The following ERBB4 variants were observed in gnomAD, a reference collection of about 807,000 sequenced individuals.
The protein encoded by ERBB4 is erb-b2 receptor tyrosine kinase 4.
Under a neutral mutation model 158.0 loss-of-function variants are expected in ERBB4, and 42 were observed. The ratio of observed to expected loss-of-function variants is 0.27; its 90% confidence interval spans 0.21 to 0.34. The LOEUF (loss-of-function observed/expected upper bound fraction) is 0.34, where lower values mean the gene tolerates loss of function less well. Among genes scored for constraint, ERBB4 ranks in the 10% least tolerant of loss-of-function variants. The probability of loss-of-function intolerance (pLI) is 1.00; values close to 1 mark genes in which losing one functional copy is unlikely to be tolerated. For synonymous variants in ERBB4, 583 were observed against 558.7 expected, an observed-to-expected ratio of 1.04 and a Z score of -0.61; for missense variants, 1,333 against 1,624.1, an observed-to-expected ratio of 0.82 and a Z score of 3.08.
chr2:211,505,666 A>G (rs952122869), intron 20 of ERBB4, among the ~76,000 whole-genome samples: 4 of 152,202 alleles, frequency 2.6e-5, no homozygotes, highest in Admixed American at 2.0e-4. Context: ...TTCACTTAAA[A>G]GTTATAGACA....
At chr2:211,691,023 A>AG (rs1559423207) in intron 12 of ERBB4, among the ~76,000 whole-genome samples, 1 of 151,964 alleles carries the variant, frequency 6.6e-6, no homozygotes, top group African/African-American at 2.4e-5. Context: ...ACTAAACTAG[A>AG]GGGAAGCTTT....
chr2:211,831,679 A>G (rs1293827828), intron 3 of ERBB4, among the ~76,000 whole-genome samples: 1 of 152,144 alleles, frequency 6.6e-6, no homozygotes, highest in Non-Finnish European at 1.5e-5. Flanking sequence ...AGGTGGGTGG[A>G]TCACCTGAGG....
At chr2:212,153,510 C>T (rs2080936801) in intron 1 of ERBB4, among the ~76,000 whole-genome samples, 1 of 152,114 alleles carries the variant, frequency 6.6e-6, no homozygotes, top group African/African-American at 2.4e-5. Flanking sequence ...CACTTAGACA[C>T]ATTCTGAGAC....
intron 1 of ERBB4, among the ~76,000 whole-genome samples, chr2:212,534,335 T>C (rs1042964107): frequency 7.2e-5 from 11 of 152,318 alleles, no homozygotes; most frequent in South Asian, 2.1e-4. Flanking sequence ...CTAGCATTTT[T>C]TAAATAGCAG....
intron 19 of ERBB4, among the ~76,000 whole-genome samples, chr2:211,609,907 G>A (rs970836099): frequency 6.6e-6 from 1 of 152,150 alleles, no homozygotes; most frequent in East Asian, 1.9e-4. Flanking sequence ...TTTGGAAATT[G>A]TAGACATAAA....
chr2:211,937,173 G>T (rs2125111935), intron 3 of ERBB4, among the ~76,000 whole-genome samples: 1 of 152,040 alleles, frequency 6.6e-6, no homozygotes, highest in Admixed American at 6.6e-5. Flanking sequence ...TCTCTTTTTA[G>T]AAAGTGTGGA....
chr2:212,234,893 G>C (rs1365749059), intron 1 of ERBB4, among the ~76,000 whole-genome samples: 1 of 152,102 alleles, frequency 6.6e-6, no homozygotes, highest in Non-Finnish European at 1.5e-5. Context: ...CAGATGGATA[G>C]ATTGCAACAA....
chr2:211,765,443 C>T (rs2075528040), intron 4 of ERBB4, among the ~76,000 whole-genome samples: 1 of 152,102 alleles, frequency 6.6e-6, no homozygotes, highest in Non-Finnish European at 1.5e-5. Flanking sequence ...TACTCTTACT[C>T]TTAATGTAAT....
chr2:211,383,506 AGT>A lies in ERBB4; in HGVS notation c.*107_*108del, dbSNP rs920182522. The A allele has an allele frequency of 6.1e-6, 5 of 826,290 alleles. No individual in the cohort carries two copies. In the African/African-American group the frequency reaches 8.4e-5, roughly 14 times the overall value. 51.2% of individuals were successfully genotyped at this position (826,290 alleles called of 1,614,324 possible). ...TGCATCTCTGTATCTTCCACTGGGAAGTGTCAAAACTACTGGCCTTGGGGTAG... is the reference window on the plus strand; with the variant it reads ...TGCATCTCTGTATCTTCCACTGGGAAGTCAAAACTACTGGCCTTGGGGTAG... On this transcript the variant is annotated 3_prime_UTR_variant, in exon 28 of 28. Transcript: ENST00000342788.
chr2:212,392,663 C>G (rs975134924), intron 1 of ERBB4, among the ~76,000 whole-genome samples: 1 of 151,988 alleles, frequency 6.6e-6, no homozygotes, highest in African/African-American at 2.4e-5. Flanking sequence ...AATGAGTTCC[C>G]GATCATCCTT....
intron 1 of ERBB4, among the ~76,000 whole-genome samples, chr2:212,507,647 G>A (rs931049053): frequency 7.9e-5 from 12 of 152,168 alleles, no homozygotes; most frequent in African/African-American, 2.9e-4. Context: ...GGTAGAAAGA[G>A]AACTAGATAT....
chr2:212,250,140 G>A (rs1268831748), intron 1 of ERBB4, among the ~76,000 whole-genome samples: 1 of 151,928 alleles, frequency 6.6e-6, no homozygotes, highest in Non-Finnish European at 1.5e-5. Flanking sequence ...TACTTTAGAT[G>A]TTTCCTCCTT....
chr2:212,377,487 A>G (rs78214852), intron 1 of ERBB4, among the ~76,000 whole-genome samples: 313 of 151,964 alleles, frequency 2.1e-3, no homozygotes, highest in Non-Finnish European at 3.8e-3. Context: ...TATTGTACTG[A>G]ATACTGTAGC....
chr2:212,538,617 C>A lies in ERBB4; in HGVS notation c.-87G>T, dbSNP rs1693248086. On this transcript the variant is annotated 5_prime_UTR_variant, in exon 1 of 28. Transcript: ENST00000342788. Reference sequence around the variant, plus strand: ...GGGCACGCGGAGGAGATCCCCCAGCCGGGCGCGCGTGGGGGTGCGAGGGGG... The same window carrying A: ...GGGCACGCGGAGGAGATCCCCCAGCAGGGCGCGCGTGGGGGTGCGAGGGGG... 7.1e-7 allele frequency: 1 copy of A among 1,412,588 alleles called. No individual in the cohort carries two copies. Among genetic ancestry groups the A allele is most frequent in the South Asian group, 1.2e-5 (1 of 86,726 alleles). 87.5% of individuals were successfully genotyped at this position (1,412,588 alleles called of 1,614,324 possible).
intron 3 of ERBB4, among the ~76,000 whole-genome samples, chr2:211,889,209 C>T (rs370906671): frequency 7.7e-6 from 1 of 130,112 alleles, no homozygotes; most frequent in South Asian, 2.2e-4. Flanking sequence ...TCTGAGAACC[C>T]GCAGACTGCC....
At chr2:212,468,162 CT>C (rs1688933804) in intron 1 of ERBB4, among the ~76,000 whole-genome samples, 1 of 152,156 alleles carries the variant, frequency 6.6e-6, no homozygotes. Flanking sequence ...AGGTACTTGC[CT>C]TGTCTCAGGT....
At chr2:211,769,952 C>A (rs2075649831) in intron 4 of ERBB4, among the ~76,000 whole-genome samples, 1 of 152,188 alleles carries the variant, frequency 6.6e-6, no homozygotes, top group Non-Finnish European at 1.5e-5. Flanking sequence ...CTCATAGACA[C>A]AACCAGGAAA....
chr2:211,696,842 G>A (rs2073041650), intron 12 of ERBB4, among the ~76,000 whole-genome samples: 1 of 151,962 alleles, frequency 6.6e-6, no homozygotes, highest in Non-Finnish European at 1.5e-5. Context: ...GCTAATTTTT[G>A]TATTTTTACT....
intron 3 of ERBB4, among the ~76,000 whole-genome samples, chr2:211,900,267 C>T (rs532234783): frequency 9.2e-5 from 14 of 152,120 alleles, no homozygotes; most frequent in African/African-American, 2.9e-4. Flanking sequence ...GACTTCTGAG[C>T]GTATCAACAC....
Sources: allele counts gnomAD v4.1 joint callset (sites outside exome capture counted in the v4.1 genomes callset), GRCh38; gene constraint gnomAD v4.1.1; transcripts MANE v1.5; gene names NCBI Gene and HGNC (gene_info 2026-07-23, HGNC 2026-07-21).